The following ANO2 variants were observed in gnomAD, a reference collection of about 807,000 sequenced individuals.
ANO2 encodes the protein anoctamin 2, also known as anoctamin-2.
A neutral mutation model predicts 124.2 loss-of-function variants in ANO2; 101 were observed. That is an observed-to-expected ratio of 0.81 (90% confidence interval 0.69 to 0.96). ANO2 has a LOEUF of 0.96. Ranked by LOEUF, ANO2 falls within the 40% of genes least tolerant of loss-of-function variation. ANO2 has a pLI of 0.00. For synonymous variants in ANO2, 486 were observed against 482.5 expected (o/e 1.01, Z -0.09); for missense variants, 1,293 against 1,274.5 (o/e 1.01, Z -0.22).
intron 14 of ANO2, among the ~76,000 whole-genome samples, chr12:5,674,205 C>T (rs1418562402): frequency 8.5e-5 from 13 of 152,184 alleles, no homozygotes; most frequent in Non-Finnish European, 1.9e-4. Context: ...CCACTCTCCA[C>T]TATAGGTAAT....
At chr12:5,832,987 A>T (rs964504906) in intron 4 of ANO2, among the ~76,000 whole-genome samples, 7 of 152,188 alleles carry the variant, frequency 4.6e-5, no homozygotes, top group African/African-American at 9.7e-5. Context: ...CCATATGATG[A>T]GGCAATTAAG....
chr12:5,745,698 C>T (rs1277411975), intron 11 of ANO2, among the ~76,000 whole-genome samples: 1 of 152,202 alleles, frequency 6.6e-6, no homozygotes, highest in Non-Finnish European at 1.5e-5. Context: ...GAAAGGCCTC[C>T]TGTGTGAGAG....
At chr12:5,902,131 G>GCCAC (rs1565762855) in intron 3 of ANO2, among the ~76,000 whole-genome samples, 3 of 152,212 alleles carry the variant, frequency 2.0e-5, no homozygotes, top group Non-Finnish European at 4.4e-5. Context: ...ACAGCATAGT[G>GCCAC]AGAAAGCTAC....
intron 13 of ANO2, among the ~76,000 whole-genome samples, chr12:5,736,613 C>T (rs958356684): frequency 1.3e-5 from 2 of 152,202 alleles, no homozygotes; most frequent in African/African-American, 4.8e-5. Flanking sequence ...TTAAATGCTT[C>T]ATATAAGTCC....
intron 7 of ANO2, among the ~76,000 whole-genome samples, chr12:5,818,801 CTGTACAT>C (rs1255380942): frequency 5.3e-5 from 8 of 152,068 alleles, no homozygotes; most frequent in African/African-American, 1.9e-4. Context: ...ATTAGTGACT[CTGTACAT>C]AATACCTTTG....
At position 5,940,782 on chromosome 12, in the gene ANO2, T is replaced by G. The variant is rs1471628983; in HGVS notation, c.22+4414A>C. On this transcript the variant is annotated intron_variant, in intron 1 of 24. Coordinates refer to ENST00000682330, the MANE Select transcript of ANO2 (RefSeq NM_001364791.2). ...ATGACCAAGAGAACTAAAAAACATG[T>G]ACACACAAAGACTTGTACTTGAAAG... 2.6e-5 allele frequency among the ~76,000 whole-genome samples: 4 copies of G among 152,292 alleles called. No homozygotes were observed. In the South Asian group the frequency reaches 8.3e-4, roughly 32 times the overall value.
intron 3 of ANO2, among the ~76,000 whole-genome samples, chr12:5,883,085 C>T (rs1938614625): frequency 1.3e-5 from 2 of 152,102 alleles, no homozygotes; most frequent in South Asian, 4.2e-4. Flanking sequence ...ATTGGAAACC[C>T]CCACCCCCAG....
intron 16 of ANO2, among the ~76,000 whole-genome samples, chr12:5,633,349 C>G (rs984869122): frequency 2.0e-5 from 3 of 152,168 alleles, no homozygotes; most frequent in Non-Finnish European, 2.9e-5. Flanking sequence ...CTGTTTGGCT[C>G]TCTTCCTAAG....
intron 10 of ANO2, among the ~76,000 whole-genome samples, chr12:5,771,532 C>G (rs1655000679): frequency 6.6e-6 from 1 of 152,052 alleles, no homozygotes; most frequent in South Asian, 2.1e-4. Flanking sequence ...GTAATCCCAG[C>G]ACTTTGGGAG....
At chr12:5,688,533 T>C (rs1316619644) in intron 14 of ANO2, among the ~76,000 whole-genome samples, 3 of 152,184 alleles carry the variant, frequency 2.0e-5, no homozygotes, top group African/African-American at 4.8e-5. Flanking sequence ...GCTTAAAATA[T>C]TGACTAATCC....
At position 5,867,778 on chromosome 12, in the gene ANO2, GAAAAA is replaced by G. The variant is rs10622876; in HGVS notation, c.535-13642_535-13638del. On this transcript the variant is annotated intron_variant, in intron 3 of 24. Coordinates refer to ENST00000682330, the MANE Select transcript of ANO2 (RefSeq NM_001364791.2). ...ACAGAAAAAGACCTAGCACTATAAT[GAAAAA>G]AAAAAAAAAAAAAAAAACCAGTGGA... Among the ~76,000 whole-genome samples the G allele has an allele frequency of 5.8e-3, 454 of 78,548 alleles. 3 individuals are homozygous for G. Among genetic ancestry groups the G allele is most frequent in the African/African-American group, 0.021 (438 of 21,200 alleles). The allele number at this position is 78,548 out of a possible 152,430, so 51.5% of individuals were successfully genotyped here. A position where few individuals can be genotyped will look rare whatever the true frequency, so the allele number is the denominator to read the frequency against.
chr12:5,674,485 C>T (rs1432913698), intron 14 of ANO2, among the ~76,000 whole-genome samples: 2 of 152,208 alleles, frequency 1.3e-5, no homozygotes, highest in East Asian at 1.9e-4. Flanking sequence ...AAGGAACTAA[C>T]AGCTTTTGGC....
At chr12:5,704,381 A>G (rs12317428) in intron 14 of ANO2, among the ~76,000 whole-genome samples, 12,788 of 152,108 alleles carry the variant, frequency 0.084, 672 homozygotes, top group African/African-American at 0.13. Flanking sequence ...GGTGAGAGCA[A>G]CTCGTTCTTT....
intron 3 of ANO2, among the ~76,000 whole-genome samples, chr12:5,890,187 C>T (rs1269947729): frequency 6.6e-6 from 1 of 152,152 alleles, no homozygotes; most frequent in African/African-American, 2.4e-5. Context: ...CCTCCCATGG[C>T]CAGAGTCCAT....
rs557904960 is a variant in ANO2 at position 5,732,774 on chromosome 12, A to C, written c.1435-144T>G. Reference sequence around the variant, plus strand: ...GAACTGCCCCACCACACACAATCACAAGGCATCTAGACATCACATCCTAAC... The same window carrying C: ...GAACTGCCCCACCACACACAATCACCAGGCATCTAGACATCACATCCTAAC... On this transcript the variant is annotated intron_variant, in intron 13 of 24. Coordinates refer to ENST00000682330, the MANE Select transcript of ANO2 (RefSeq NM_001364791.2). 1.1e-3 allele frequency: 1,683 copies of C among 1,576,412 alleles called. 27 individuals carry two copies. The South Asian group carries it at 0.017, about 16-fold the overall frequency.
intron 4 of ANO2, among the ~76,000 whole-genome samples, chr12:5,838,482 A>G (rs1238237398): frequency 6.6e-6 from 1 of 152,154 alleles, no homozygotes. Flanking sequence ...TATCCACAAT[A>G]AAACACACAT....
intron 3 of ANO2, among the ~76,000 whole-genome samples, chr12:5,873,172 ACTTTGTTACTTTTGC>A (rs1208773610): frequency 8.0e-6 from 1 of 125,576 alleles, no homozygotes; most frequent in Non-Finnish European, 1.7e-5. Flanking sequence ...CAGAATTATA[ACTTTGTTACTTTTGC>A]CTAAAGCAGC....
intron 10 of ANO2, among the ~76,000 whole-genome samples, chr12:5,795,509 T>A (rs1952819405): frequency 6.6e-6 from 1 of 152,184 alleles, no homozygotes; most frequent in South Asian, 2.1e-4. Context: ...CTTGGTGAAC[T>A]CCCACAAGTC....
intron 14 of ANO2, among the ~76,000 whole-genome samples, chr12:5,699,173 T>A (rs1591939940): frequency 6.6e-6 from 1 of 151,942 alleles, no homozygotes; most frequent in South Asian, 2.1e-4. Context: ...AAGGAAAAAA[T>A]GTTAAGGACA....
Sources: gnomAD v4.1 joint callset for allele counts (sites outside exome capture counted in the v4.1 genomes callset) on GRCh38, gnomAD v4.1.1 for gene constraint, MANE v1.5 for transcripts, NCBI Gene and HGNC (gene_info 2026-07-23, HGNC 2026-07-21) for gene names.